Variants in SLC6A17 observed in about 807,000 individuals in gnomAD.
SLC6A17 encodes solute carrier family 6 member 17, also known as sodium-dependent neutral amino acid transporter SLC6A17.
Under a neutral mutation model 64.5 loss-of-function variants are expected in SLC6A17, and 21 were observed. That is an observed-to-expected ratio of 0.33 (90% CI 0.23 to 0.47). SLC6A17 has a LOEUF of 0.47. SLC6A17 is among the 20% of genes least tolerant of loss of function. The pLI, the probability that SLC6A17 is intolerant of heterozygous loss-of-function variation, is 1.00. For missense variants in SLC6A17, 682 were observed against 963.2 expected (o/e 0.71, Z 3.86); for synonymous variants, 372 against 399.5 (o/e 0.93, Z 0.82).
chr1:110,173,801 AATGGAGCG>A (rs1656301921), intron 3 of SLC6A17, among the ~76,000 whole-genome samples, 164 bp from the exon 4 acceptor site: 3 of 152,156 alleles, frequency 2.0e-5, no homozygotes, highest in African/African-American at 2.4e-5. Context: ...ATGGAGCGTG[AATGGAGCG>A]TGAGGGGAGC....
chr1:110,184,357 G>A (rs140299181), intron 6 of SLC6A17, among the ~76,000 whole-genome samples: 1 of 152,072 alleles, frequency 6.6e-6, no homozygotes, highest in African/African-American at 2.4e-5. Flanking sequence ...CGCCCACCTC[G>A]GCCTCCCAAA....
chr1:110,189,686 C>A (rs1656776956), intron 6 of SLC6A17, among the ~76,000 whole-genome samples: 1 of 152,178 alleles, frequency 6.6e-6, no homozygotes, highest in Admixed American at 6.5e-5. Flanking sequence ...CCACCCCCAC[C>A]TCGTCCTCAC....
At chr1:110,195,437 C>G in intron 9 of SLC6A17, 149 bp from the exon 10 acceptor site, 2 of 903,678 alleles carry the variant, frequency 2.2e-6, no homozygotes, top group South Asian at 1.7e-5. Flanking sequence ...CATCTGGATC[C>G]CTCGTGCAGG....
Position 110,200,335 on chromosome 1 carries a change from G to C in SLC6A17, c.*1891G>C. The stretch of plus-strand genomic sequence containing the variant: ...AGAGAGAGACCCACATCTCCCCAAA[G>C]AGATGAGCTTTTGGGGCACAACATC... On this transcript the variant is annotated 3_prime_UTR_variant, in exon 12 of 12. Coordinates refer to ENST00000331565, the MANE Select transcript of SLC6A17 (RefSeq NM_001010898.4). The C allele has an allele frequency of 2.7e-6, 1 of 374,706 alleles. No individual in the cohort carries two copies. The highest frequency in any genetic ancestry group is 4.7e-6 in the Non-Finnish European group (1 of 211,428). 23.2% of individuals were successfully genotyped at this position (374,706 alleles called of 1,614,324 possible). A position where few individuals can be genotyped will look rare whatever the true frequency, so the allele number is the denominator to read the frequency against.
At chr1:110,160,984 CAG>C (rs1655892714) in intron 1 of SLC6A17, among the ~76,000 whole-genome samples, 2 of 152,100 alleles carry the variant, frequency 1.3e-5, no homozygotes, top group African/African-American at 4.8e-5. Context: ...GGGAAGAGGA[CAG>C]AGCTGAGCAC....
rs1657099109 is a variant in SLC6A17, at chr1:110,200,557, A to G, written c.*2113A>G. The G allele has an allele frequency of 6.5e-6, 1 of 153,826 alleles. No individual in the cohort carries two copies. The highest frequency in any genetic ancestry group is 2.4e-5 in the African/African-American group (1 of 41,514). 9.5% of individuals were successfully genotyped at this position (153,826 alleles called of 1,614,324 possible). ...TGTTAAATGACAAACCCAATATTAT[A>G]CTGTGGCTGGTGGACTATTTTCATC... is the stretch of plus-strand genomic sequence containing the variant. On this transcript the variant is annotated 3_prime_UTR_variant, in exon 12 of 12. Transcript: ENST00000331565.
intron 3 of SLC6A17, 68 bp from the exon 4 acceptor site, chr1:110,173,905 G>GAA: frequency 6.4e-7 from 1 of 1,574,730 alleles, no homozygotes; most frequent in Non-Finnish European, 8.6e-7. Context: ...GCTGGGCCTC[G>GAA]GGTGGAGCGT....
At chr1:110,178,072 AT>A (rs1358133929) in intron 6 of SLC6A17, 2 of 152,266 alleles carry the variant, frequency 1.3e-5, no homozygotes, top group African/African-American at 2.4e-5. Flanking sequence ...CAAAGAAAAA[AT>A]AAAAAACCTG....
chr1:110,164,334 C>T (rs987743433), intron 1 of SLC6A17, among the ~76,000 whole-genome samples: 3 of 152,190 alleles, frequency 2.0e-5, no homozygotes, highest in African/African-American at 7.2e-5. Flanking sequence ...AGGCTCTGTT[C>T]AGGGTGTTAG....
In SLC6A17 at chr1:110,200,371, C is replaced by T. The variant is rs1020603409; in HGVS notation, c.*1927C>T. The T allele has an allele frequency of 2.1e-5, 7 of 330,788 alleles. No homozygotes were observed. The highest frequency in any genetic ancestry group is 4.9e-5 in the Admixed American group (1 of 20,466). 20.5% of individuals were successfully genotyped at this position (330,788 alleles called of 1,614,324 possible). The stretch of plus-strand genomic sequence containing the variant: ...TTGGGGCACAACATCCCACCGCAGT[C>T]CCCCTCACCCGACAACACCTCCTAC... On this transcript the variant is annotated 3_prime_UTR_variant, in exon 12 of 12. Coordinates refer to ENST00000331565, the MANE Select transcript of SLC6A17 (RefSeq NM_001010898.4).
Position 110,192,515 on chromosome 1 carries a change from G to A in SLC6A17, c.1116G>A (p.Glu372=). 6.2e-7 allele frequency: 1 copy of A among 1,613,104 alleles called. No homozygotes were observed. Among genetic ancestry groups the A allele is most frequent in the Non-Finnish European group, 8.5e-7 (1 of 1,179,480 alleles). The change falls in exon 8 of 12, where the codon GAG becomes GAA. Residue 372 remains glutamate (E), a synonymous_variant. Transcript: ENST00000331565. The surrounding 1 kb of genome is among the most constrained non-coding windows in gnomAD (Gnocchi z 4.3). ...CGGTTTTGTGCTGCAGGAATGCTGA[G>A]AAAATCCTAGGGTACCTTAACACCA... ...MNEKCVVENA[E]KILGYLNTNV... is the part of the protein sequence containing the mutation.
At position 110,198,476 on chromosome 1, in the gene SLC6A17, C is replaced by G. The variant is rs201988914; in HGVS notation, c.*32C>G. On this transcript the variant is annotated 3_prime_UTR_variant, in exon 12 of 12. Transcript: ENST00000331565. The stretch of plus-strand genomic sequence containing the variant: ...CCCAAGCCCTGCCCGCCTCTCCCCC[C>G]ACGCTCAACCTGCCCACTTGTCCAG... 2.6e-5 allele frequency: 41 copies of G among 1,576,224 alleles called. No individual in the cohort carries two copies. In the East Asian group the frequency reaches 7.0e-4, roughly 27 times the overall value.
At position 110,198,273 on chromosome 1, in the gene SLC6A17, T is replaced by G; in HGVS notation, c.2013T>G (p.Asp671Glu). The G allele has an allele frequency of 5.6e-6, 9 of 1,614,080 alleles. No individual in the cohort carries two copies. Among genetic ancestry groups the G allele is most frequent in the South Asian group, 3.3e-5 (3 of 91,074 alleles). The stretch of plus-strand genomic sequence containing the variant: ...ACATCTCCAACCTGGAGGAGAACGA[T>G]GAGACCCGCTTCATCCTCAGCAAGG... Reference protein sequence around the residue: ...MKDISNLEENDETRFILSKVP... With the variant: ...MKDISNLEENEETRFILSKVP... Residue 671 changes from aspartate (D) to glutamate (E), a missense_variant, in exon 12 of 12, where the codon GAT becomes GAG. Around this residue, in one of 3 missense-constraint regions of SLC6A17, gnomAD observed 264 missense variants for 339.5 expected, o/e 0.78. Transcript: ENST00000331565.
At chr1:110,151,456 C>T (rs1655601470) in intron 1 of SLC6A17, among the ~76,000 whole-genome samples, 1 of 152,244 alleles carries the variant, frequency 6.6e-6, no homozygotes, top group South Asian at 2.1e-4. Context: ...GCCCTTCCTC[C>T]CTCGTGGGAA....
chr1:110,192,005 G>A lies in SLC6A17; in HGVS notation c.898G>A (p.Glu300Lys). The change falls in exon 7 of 12, where the codon GAG becomes AAG. Residue 300 changes from glutamate to lysine, a missense_variant. Around this residue, in one of 3 missense-constraint regions of SLC6A17, gnomAD observed 415 missense variants for 603.8 expected, o/e 0.69. Transcript: ENST00000331565. This position sits in a 1 kb window ranked among gnomAD's most constrained non-coding sequence, Gnocchi z 4.3. The stretch of plus-strand genomic sequence containing the variant: ...GATGCTGGACCCCCAGGTGTGGCGG[G>A]AGGCAGCTACCCAGGTCTTCTTTGC... The part of the protein sequence containing the change: ...DKMLDPQVWR[E>K]AATQVFFALG... 6.2e-7 allele frequency: 1 copy of A among 1,614,090 alleles called. No homozygotes were observed. The highest frequency in any genetic ancestry group is 8.5e-7 in the Non-Finnish European group (1 of 1,179,914).
intron 2 of SLC6A17, among the ~76,000 whole-genome samples, chr1:110,170,161 C>G (rs1421981513): frequency 4.6e-5 from 7 of 152,136 alleles, no homozygotes; most frequent in Non-Finnish European, 1.0e-4. Flanking sequence ...CACATCTTGC[C>G]CCACCCAGAA....
chr1:110,171,951 G>A, intron 2 of SLC6A17, 109 bp from the exon 3 acceptor site: 1 of 1,417,364 alleles, frequency 7.1e-7, no homozygotes, highest in Non-Finnish European at 9.6e-7. Context: ...GTGACAATTT[G>A]CGGATGACCA....
At chr1:110,160,882 A>ATTGCCGCT (rs1354396803) in intron 1 of SLC6A17, among the ~76,000 whole-genome samples, 2 of 151,984 alleles carry the variant, frequency 1.3e-5, no homozygotes, top group Non-Finnish European at 2.9e-5. Flanking sequence ...ATGCCACTGA[A>ATTGCCGCT]GGCAATGTGT....
At position 110,198,367 on chromosome 1, in the gene SLC6A17, C is replaced by G. The variant is rs1420641939; in HGVS notation, c.2107C>G (p.Leu703Val). ...TCTGGGGCCCGGCAGCACATCACCCCTGGAGACCAGCGGTAACCCCAATGG... is the reference window on the plus strand; with the variant it reads ...TCTGGGGCCCGGCAGCACATCACCCGTGGAGACCAGCGGTAACCCCAATGG... ...SYLGPGSTSPLETSGNPNGRY... is the reference protein window; with the variant it reads ...SYLGPGSTSPVETSGNPNGRY... The change falls in exon 12 of 12, where the codon CTG (leucine) becomes GTG (valine). Residue 703 changes from leucine to valine, a missense_variant. Around this residue, in one of 3 missense-constraint regions of SLC6A17, gnomAD observed 264 missense variants for 339.5 expected, o/e 0.78. Coordinates refer to ENST00000331565, the MANE Select transcript of SLC6A17 (RefSeq NM_001010898.4). 6.2e-7 allele frequency: 1 copy of G among 1,614,150 alleles called. No homozygotes were observed. The highest frequency in any genetic ancestry group is 1.1e-5 in the South Asian group (1 of 91,088).
Sources: gnomAD v4.1 joint callset for allele counts (sites outside exome capture counted in the v4.1 genomes callset) on GRCh38, gnomAD v4.1.1 for gene constraint, gnomAD v4.1.1 regional missense constraint, Gnocchi (gnomAD v3.1) non-coding constraint, MANE v1.5 for transcripts, NCBI Gene and HGNC (gene_info 2026-07-23, HGNC 2026-07-21) for gene names.